PTPRZ1: variants seen among roughly 807,000 people sequenced by gnomAD.
PTPRZ1 encodes the protein receptor-type tyrosine-protein phosphatase zeta.
A neutral mutation model predicts 214.1 loss-of-function variants in PTPRZ1; 82 were observed. That is an observed-to-expected ratio of 0.38 (90% confidence interval 0.32 to 0.46). The LOEUF is 0.46. Among genes scored for constraint, PTPRZ1 ranks in the 20% least tolerant of loss-of-function variants. The pLI is 1.00. For synonymous variants in PTPRZ1, 945 were observed against 987.9 expected, an observed-to-expected ratio of 0.96 and a Z score of 0.81; for missense variants, 2,603 against 2,748.7, an observed-to-expected ratio of 0.95 and a Z score of 1.19.
intron 8 of PTPRZ1, among the ~76,000 whole-genome samples, chr7:121,988,293 A>T (rs1248527097): frequency 6.6e-6 from 1 of 152,180 alleles, no homozygotes; most frequent in East Asian, 1.9e-4. Context: ...ACATAGACTA[A>T]TATGCACATT....
At position 122,011,610 on chromosome 7, in the gene PTPRZ1, C is replaced by G; in HGVS notation, c.2564C>G (p.Pro855Arg). ...TCAGCTACCGAGAGTGATAAGGTGCCCTTGCATGCTTCTCTGCCAGTGGCT... is the reference window on the plus strand; with the variant it reads ...TCAGCTACCGAGAGTGATAAGGTGCGCTTGCATGCTTCTCTGCCAGTGGCT... ...VTSATESDKV[P>R]LHASLPVAGG... Residue 855 changes from proline to arginine, a missense_variant, in exon 12 of 30, where the codon CCC becomes CGC. Around this residue, in one of 6 missense-constraint regions of PTPRZ1, gnomAD observed 1,913 missense variants for 1,914.3 expected, o/e 1.00. Coordinates refer to ENST00000393386, the MANE Select transcript of PTPRZ1 (RefSeq NM_002851.3). 6.2e-7 allele frequency: 1 copy of G among 1,614,022 alleles called. No homozygotes were observed. Among genetic ancestry groups the G allele is most frequent in the Non-Finnish European group, 8.5e-7 (1 of 1,179,990 alleles).
chr7:122,013,272 A>T lies in PTPRZ1; in HGVS notation c.4226A>T (p.Asp1409Val). 2.5e-6 allele frequency: 4 copies of T among 1,613,976 alleles called. No homozygotes were observed. The highest frequency in any genetic ancestry group is 3.4e-6 in the Non-Finnish European group (4 of 1,180,000). Residue 1409 changes from aspartate to valine, a missense_variant, in exon 12 of 30, where the codon GAT (aspartate) becomes GTT (valine). By Grantham distance (152) the Asp-to-Val change is radical (BLOSUM62 -3). Around this residue, in one of 6 missense-constraint regions of PTPRZ1, gnomAD observed 1,913 missense variants for 1,914.3 expected, o/e 1.00. Coordinates refer to ENST00000393386, the MANE Select transcript of PTPRZ1 (RefSeq NM_002851.3). The stretch of plus-strand genomic sequence containing the variant: ...GAGCTGAGTCATAGTGCCAAATCTG[A>T]TGCCGGTTTAGTGGGTGGTGGTGAA... ...TSELSHSAKS[D>V]AGLVGGGEDG...
rs548013349 is a variant in PTPRZ1 at position 122,059,205 on chromosome 7, A to G, written c.6671+263A>G. Among the ~76,000 whole-genome samples the G allele has an allele frequency of 2.6e-5, 4 of 152,150 alleles. No homozygotes were observed. The East Asian group carries it at 7.7e-4, about 29-fold the overall frequency. On this transcript the variant is annotated intron_variant, in intron 28 of 29. Transcript: ENST00000393386. The stretch of plus-strand genomic sequence containing the variant: ...GATGCTGAGAACACTTTGTATACTA[A>G]GTCGGTGTTTTAGCAGTGAAATTTT...
chr7:121,968,204 A>AT, intron 3 of PTPRZ1, 74 bp downstream of exon 3: 1 of 1,343,226 alleles, frequency 7.4e-7, no homozygotes, highest in Non-Finnish European at 1.0e-6. Context: ...GTTTCATCTC[A>AT]TTTTCCTTTG....
chr7:121,974,563 C>T (rs1337096021), intron 4 of PTPRZ1, among the ~76,000 whole-genome samples: 2 of 152,180 alleles, frequency 1.3e-5, no homozygotes, highest in East Asian at 1.9e-4. Flanking sequence ...TCTCGGCTCA[C>T]TGCAACCTCC....
At chr7:121,997,296 TTAAATAAAAATGCAC>T (rs967637369) in intron 9 of PTPRZ1, among the ~76,000 whole-genome samples, 3 of 152,134 alleles carry the variant, frequency 2.0e-5, no homozygotes, top group Non-Finnish European at 4.4e-5. Context: ...GAACCTGCAT[TTAAATAAAAATGCAC>T]TATTAATTAT....
intron 13 of PTPRZ1, among the ~76,000 whole-genome samples, chr7:122,027,496 C>T (rs1360649403): frequency 6.6e-6 from 1 of 152,118 alleles, no homozygotes; most frequent in Non-Finnish European, 1.5e-5. Context: ...ACAAATGTTA[C>T]ATTAAAACTC....
chr7:121,993,333 C>T (rs1562849891), intron 8 of PTPRZ1, among the ~76,000 whole-genome samples: 1 of 151,458 alleles, frequency 6.6e-6, no homozygotes, highest in East Asian at 1.9e-4. Context: ...GAGAGGATCA[C>T]GAGGTCAGGA....
intron 4 of PTPRZ1, 68 bp from the exon 5 acceptor site, chr7:121,976,105 T>G: frequency 9.3e-7 from 1 of 1,072,818 alleles, no homozygotes; most frequent in Non-Finnish European, 1.4e-6. Flanking sequence ...ACTTAGAATG[T>G]AGAATTCTCT....
intron 27 of PTPRZ1, 142 bp downstream of exon 27, chr7:122,055,229 T>G (rs1237898310): frequency 3.2e-6 from 2 of 621,984 alleles, no homozygotes; most frequent in African/African-American, 3.8e-5. Flanking sequence ...TCAAATTACC[T>G]TGTCACTTTC....
chr7:121,998,071 C>T, intron 10 of PTPRZ1, 65 bp downstream of exon 10: 1 of 1,481,390 alleles, frequency 6.8e-7, no homozygotes. Flanking sequence ...TTACTGTATG[C>T]ATTGATGCTT....
intron 2 of PTPRZ1, among the ~76,000 whole-genome samples, chr7:121,933,866 A>C (rs1795997612): frequency 1.3e-5 from 2 of 152,198 alleles, no homozygotes; most frequent in South Asian, 4.1e-4. Context: ...ATAATCTAGA[A>C]TATCCTTTTA....
chr7:122,021,815 T>A (rs1799024907), intron 13 of PTPRZ1, among the ~76,000 whole-genome samples: 1 of 152,224 alleles, frequency 6.6e-6, no homozygotes, highest in Non-Finnish European at 1.5e-5. Context: ...TTGTCAATCT[T>A]TACTTATTTT....
At chr7:121,903,394 G>T (rs934303527) in intron 1 of PTPRZ1, among the ~76,000 whole-genome samples, 3 of 152,106 alleles carry the variant, frequency 2.0e-5, no homozygotes, top group Non-Finnish European at 2.9e-5. Context: ...AAAAATGGGA[G>T]AGATGCATTT....
intron 27 of PTPRZ1, among the ~76,000 whole-genome samples, chr7:122,055,781 T>C (rs1212999684): frequency 1.3e-5 from 2 of 151,928 alleles, no homozygotes; most frequent in African/African-American, 2.4e-5. Flanking sequence ...GTCTAAGGAA[T>C]GTGAGATTCA....
At chr7:122,020,303 G>C (rs1351288878) in intron 13 of PTPRZ1, among the ~76,000 whole-genome samples, 1 of 152,152 alleles carries the variant, frequency 6.6e-6, no homozygotes, top group Non-Finnish European at 1.5e-5. Context: ...TATGCTTATT[G>C]AGGGGGAAGA....
chr7:122,042,064 T>C (rs1799747876), intron 21 of PTPRZ1, among the ~76,000 whole-genome samples: 1 of 152,224 alleles, frequency 6.6e-6, no homozygotes, highest in Non-Finnish European at 1.5e-5. Flanking sequence ...CGATAGATAA[T>C]GGCCCTTTAG....
chr7:121,966,279 G>A (rs1412239770), intron 2 of PTPRZ1, among the ~76,000 whole-genome samples: 2 of 152,176 alleles, frequency 1.3e-5, no homozygotes, highest in African/African-American at 4.8e-5. Flanking sequence ...TATATTCAGT[G>A]TTATTGAAGA....
intron 2 of PTPRZ1, among the ~76,000 whole-genome samples, chr7:121,950,649 T>C (rs774882027): frequency 2.4e-4 from 37 of 152,194 alleles, no homozygotes; most frequent in African/African-American, 8.4e-4. Flanking sequence ...TCAAAACCTA[T>C]ACTGAGACCC....
Sources: allele counts gnomAD v4.1 joint callset (sites outside exome capture counted in the v4.1 genomes callset), GRCh38; gene constraint gnomAD v4.1.1; regional missense constraint gnomAD v4.1.1; transcripts MANE v1.5; gene names NCBI Gene and HGNC (gene_info 2026-07-23, HGNC 2026-07-21).